SCFD2: variants seen among roughly 807,000 people sequenced by gnomAD.
SCFD2 encodes the protein sec1 family domain-containing protein 2.
SCFD2 carries 54 observed loss-of-function variants against 58.9 expected under a neutral mutation model. The observed-to-expected ratio is 0.92, with a 90% CI of 0.74 to 1.15. The LOEUF (loss-of-function observed/expected upper bound fraction) is 1.15. SCFD2 is among the 50% of genes most tolerant of loss of function. The pLI is 0.00. For missense variants in SCFD2, 805 were observed against 836.6 expected, an observed-to-expected ratio of 0.96 and a Z score of 0.47; for synonymous variants, 321 against 335.9, an observed-to-expected ratio of 0.96 and a Z score of 0.49.
At chr4:53,041,432 T>C (rs565617955) in intron 5 of SCFD2, among the ~76,000 whole-genome samples, 2 of 152,202 alleles carry the variant, frequency 1.3e-5, no homozygotes, top group Non-Finnish European at 2.9e-5. Flanking sequence ...TACCATTCTA[T>C]TCAAAATAAA....
At chr4:53,209,990 C>CT (rs1046397658) in intron 4 of SCFD2, among the ~76,000 whole-genome samples, 4 of 152,008 alleles carry the variant, frequency 2.6e-5, no homozygotes, top group African/African-American at 9.7e-5. Flanking sequence ...TTTTGAAGTG[C>CT]TTTTTCAATT....
intron 5 of SCFD2, among the ~76,000 whole-genome samples, chr4:53,057,211 A>G (rs112926633): frequency 3.9e-5 from 6 of 152,098 alleles, no homozygotes; most frequent in African/African-American, 1.4e-4. Context: ...CACTGCACAC[A>G]TATGTTTATT....
intron 4 of SCFD2, among the ~76,000 whole-genome samples, chr4:53,271,311 A>ACACG (rs947609643): frequency 6.6e-6 from 1 of 150,528 alleles, no homozygotes; most frequent in Non-Finnish European, 1.5e-5. Context: ...CAACACACAC[A>ACACG]CACGCACACA....
At position 53,365,664 on chromosome 4, in the gene SCFD2, A is replaced by T; in HGVS notation, c.278T>A (p.Ile93Asn). The change falls in exon 1 of 9, where the codon ATC becomes AAC. Residue 93 changes from isoleucine (I) to asparagine (N), a missense_variant. Ile to Asn is a moderately radical substitution (Grantham distance 149). This residue lies in a region of SCFD2 where 155 missense variants were observed against 149.7 expected (regional missense o/e 1.04). Coordinates refer to ENST00000401642, the MANE Select transcript of SCFD2 (RefSeq NM_152540.4). This position sits in a 1 kb window ranked among gnomAD's most constrained non-coding sequence, Gnocchi z 4.3. ...GRTVEILRDI[I>N]CRSHFQYCVV... ...ACAATACTGGAAGTGACTGCGGCAG[A>T]TGATGTCCCGTAGGATCTCCACGGT... The T allele has an allele frequency of 6.2e-7, 1 of 1,614,210 alleles. No individual in the cohort carries two copies. The highest frequency in any genetic ancestry group is 2.2e-5 in the East Asian group (1 of 44,878).
chr4:53,143,809 C>CACAT (rs1726237831), intron 5 of SCFD2, among the ~76,000 whole-genome samples: 1 of 151,580 alleles, frequency 6.6e-6, no homozygotes, highest in Non-Finnish European at 1.5e-5. Context: ...CACACACACA[C>CACAT]ACACACACAC....
chr4:53,051,739 C>T (rs1280458358), intron 5 of SCFD2, among the ~76,000 whole-genome samples: 1 of 151,992 alleles, frequency 6.6e-6, no homozygotes, highest in African/African-American at 2.4e-5. Context: ...AGTTAAAGTC[C>T]GGAAGTTTAC....
At chr4:53,345,693 G>C (rs753564503) in intron 2 of SCFD2, among the ~76,000 whole-genome samples, 1 of 151,928 alleles carries the variant, frequency 6.6e-6, no homozygotes, top group Non-Finnish European at 1.5e-5. Flanking sequence ...ACTTGGAACC[G>C]ACCTAAATGT....
At chr4:53,115,164 CT>C (rs1725285534) in intron 5 of SCFD2, among the ~76,000 whole-genome samples, 1 of 151,968 alleles carries the variant, frequency 6.6e-6, no homozygotes, top group East Asian at 1.9e-4. Context: ...TGTAAGTGGT[CT>C]ACACACACAA....
At chr4:52,894,568 G>T (rs1718955247) in intron 7 of SCFD2, among the ~76,000 whole-genome samples, 1 of 152,184 alleles carries the variant, frequency 6.6e-6, no homozygotes, top group Non-Finnish European at 1.5e-5. Flanking sequence ...TTTCCTCTAA[G>T]GAGCTCAAGG....
chr4:53,308,226 G>T (rs1732576704), intron 3 of SCFD2, among the ~76,000 whole-genome samples: 1 of 152,184 alleles, frequency 6.6e-6, no homozygotes, highest in Non-Finnish European at 1.5e-5. Context: ...TATAGTACCT[G>T]AAACAAAGTA....
chr4:52,913,071 T>C (rs1022759327), intron 6 of SCFD2, among the ~76,000 whole-genome samples: 3 of 152,044 alleles, frequency 2.0e-5, no homozygotes, highest in African/African-American at 7.3e-5. Flanking sequence ...TCAGAAAAAT[T>C]TGTTCTTTCC....
chr4:52,880,626 A>G (rs1370574022), intron 8 of SCFD2, among the ~76,000 whole-genome samples: 1 of 151,898 alleles, frequency 6.6e-6, no homozygotes, highest in Non-Finnish European at 1.5e-5. Flanking sequence ...CAAAAAAAAA[A>G]AAAAAGAAAA....
At chr4:52,897,373 T>C (rs1236516555) in intron 7 of SCFD2, among the ~76,000 whole-genome samples, 1 of 152,262 alleles carries the variant, frequency 6.6e-6, no homozygotes, top group Non-Finnish European at 1.5e-5. Flanking sequence ...TGAAGTGTTG[T>C]TGAATTTTGT....
rs1577955065 is a variant in SCFD2, at chr4:53,307,975, T to C, written c.1135+5661A>G. On this transcript the variant is annotated intron_variant, in intron 3 of 8. Transcript: ENST00000401642. ...TTCCCTCTAGTTCCCCTTATTAGCA[T>C]AGCCTGACAGGGATCCAGCTGGGCA... is the stretch of plus-strand genomic sequence containing the variant. Among the ~76,000 whole-genome samples, 17 of 152,168 alleles carry C rather than the reference T, an allele frequency of 1.1e-4. 1 individual carries two copies. Among genetic ancestry groups the C allele is most frequent in the Admixed American group, 1.1e-3 (17 of 15,278 alleles).
At chr4:53,098,101 T>C (rs1225807690) in intron 5 of SCFD2, among the ~76,000 whole-genome samples, 1 of 152,228 alleles carries the variant, frequency 6.6e-6, no homozygotes, top group Admixed American at 6.5e-5. Context: ...TTTGATGTGC[T>C]GCTGGATTTG....
chr4:52,956,482 C>G (rs1560493347), intron 5 of SCFD2: 1 of 337,602 alleles, frequency 3.0e-6, no homozygotes, highest in East Asian at 8.0e-5. Context: ...GCAACGAGGA[C>G]TTGGAACCCA....
intron 4 of SCFD2, among the ~76,000 whole-genome samples, chr4:53,231,300 G>A (rs754278259): frequency 2.3e-4 from 35 of 152,012 alleles, no homozygotes; most frequent in Non-Finnish European, 4.1e-4. Context: ...AATGCAAGCC[G>A]CACAACAGCA....
intron 1 of SCFD2, among the ~76,000 whole-genome samples, chr4:53,363,800 C>T (rs1265690386): frequency 2.3e-5 from 3 of 131,336 alleles, no homozygotes; most frequent in African/African-American, 8.7e-5. Context: ...GCACTCCAGC[C>T]TGGGCGACAG....
chr4:53,316,427 A>G (rs1229274421), intron 2 of SCFD2, among the ~76,000 whole-genome samples: 1 of 152,360 alleles, frequency 6.6e-6, no homozygotes, highest in East Asian at 1.9e-4. Flanking sequence ...GTTGGAAGTT[A>G]TAATAGTGAA....
Sources: gnomAD v4.1 joint callset for allele counts (sites outside exome capture counted in the v4.1 genomes callset) on GRCh38, gnomAD v4.1.1 for gene constraint, gnomAD v4.1.1 regional missense constraint, Gnocchi (gnomAD v3.1) non-coding constraint, MANE v1.5 for transcripts, NCBI Gene and HGNC (gene_info 2026-07-23, HGNC 2026-07-21) for gene names.